The following TMEM68 variants were observed in gnomAD, a reference collection of about 807,000 sequenced individuals.
TMEM68 encodes the protein DGAT1/2-independent enzyme synthesizing storage lipids.
In TMEM68, 25 loss-of-function variants were observed where a neutral mutation model predicts 36.9. The ratio of observed to expected loss-of-function variants is 0.68; its 90% CI spans 0.49 to 0.95. The LOEUF is 0.95. TMEM68 is among the 40% of genes least tolerant of loss of function. The pLI is 0.00. For missense variants in TMEM68, 333 were observed against 392.0 expected, an observed-to-expected ratio of 0.85 and a Z score of 1.27; for synonymous variants, 131 against 124.4, an observed-to-expected ratio of 1.05 and a Z score of -0.35.
chr8:55,740,563 T>C (rs768385263), intron 7 of TMEM68, among the ~76,000 whole-genome samples: 3 of 152,150 alleles, frequency 2.0e-5, no homozygotes, highest in Non-Finnish European at 4.4e-5. Flanking sequence ...TTAAGATACA[T>C]CTTAGAATTT....
intron 4 of TMEM68, among the ~76,000 whole-genome samples, chr8:55,752,512 C>T (rs112445177): frequency 0.062 from 9,449 of 151,948 alleles, 356 homozygotes; most frequent in African/African-American, 0.1. Context: ...TGCTTTAACC[C>T]GTGAGGCGGA....
At chr8:55,741,188 C>T (rs983716691) in intron 7 of TMEM68, among the ~76,000 whole-genome samples, 13 of 152,212 alleles carry the variant, frequency 8.5e-5, no homozygotes, top group African/African-American at 1.7e-4. Flanking sequence ...GCCAAGATCG[C>T]GCCATTGCAC....
At chr8:55,744,953 T>C (rs1433131423) in intron 6 of TMEM68, 108 bp downstream of exon 6, 3 of 624,100 alleles carry the variant, frequency 4.8e-6, no homozygotes, top group Non-Finnish European at 7.5e-6. Flanking sequence ...CTAAATAGTA[T>C]ATCCATTTTC....
rs542247099 is a variant in TMEM68, at chr8:55,762,613, A to G, written c.325+22T>C. The G allele has an allele frequency of 2.5e-6, 4 of 1,613,962 alleles. No homozygotes were observed. The South Asian group carries it at 4.4e-5, about 18-fold the overall frequency. ...GCAGCACACATGAATGGCAACACAAAGGTGAAAGTATCCTTGCTTACCATG... is the reference window on the plus strand; with the variant it reads ...GCAGCACACATGAATGGCAACACAAGGGTGAAAGTATCCTTGCTTACCATG... On this transcript the variant is annotated intron_variant, in intron 3 of 7. Transcript: ENST00000434581.
At chr8:55,746,339 A>AAAAAAC in intron 5 of TMEM68, 1 of 150,706 alleles carries the variant, frequency 6.6e-6, no homozygotes, top group Non-Finnish European at 1.5e-5. Flanking sequence ...AAAAAAAAAA[A>AAAAAAC]AAGAATTCTC....
intron 7 of TMEM68, 39 bp downstream of exon 7, chr8:55,743,442 A>G: frequency 6.7e-7 from 1 of 1,499,684 alleles, no homozygotes; most frequent in Non-Finnish European, 8.8e-7. Flanking sequence ...ATTGAAAATA[A>G]AAATCTGTCC....
intron 7 of TMEM68, among the ~76,000 whole-genome samples, chr8:55,741,628 G>A (rs941458391): frequency 1.3e-5 from 2 of 152,132 alleles, no homozygotes; most frequent in African/African-American, 4.8e-5. Context: ...AGCAGGGGAG[G>A]ACACATGAAC....
chr8:55,769,639 C>CA (rs1667714937), intron 1 of TMEM68, among the ~76,000 whole-genome samples: 1 of 147,908 alleles, frequency 6.8e-6, no homozygotes, highest in Non-Finnish European at 1.5e-5. Flanking sequence ...TCGTCTAAAA[C>CA]TTTTTTTTTT....
Position 55,758,572 on chromosome 8 carries a change from T to C in TMEM68, c.326-2161A>G, listed in dbSNP as rs115871753. ...CTGTAATCCCAACACTTTGGGAGAC[T>C]GAGATGGTAGGACTTTTGAGCCCAA... On this transcript the variant is annotated intron_variant, in intron 3 of 7. Transcript: ENST00000434581. Among the ~76,000 whole-genome samples, 666 of 152,322 alleles carry C rather than the reference T, an allele frequency of 4.4e-3. 3 individuals are homozygous for C. Among genetic ancestry groups the C allele is most frequent in the African/African-American group, 0.015 (617 of 41,580 alleles).
chr8:55,756,458 C>A, intron 3 of TMEM68, 47 bp from the exon 4 acceptor site: 1 of 1,497,554 alleles, frequency 6.7e-7, no homozygotes, highest in Non-Finnish European at 8.9e-7. Flanking sequence ...TTCATTAATT[C>A]GTTTACAGTA....
At chr8:55,759,396 C>G (rs1339157555) in intron 3 of TMEM68, among the ~76,000 whole-genome samples, 1 of 151,678 alleles carries the variant, frequency 6.6e-6, no homozygotes, top group Non-Finnish European at 1.5e-5. Flanking sequence ...CATGGTGAAA[C>G]CCCATCTCTA....
chr8:55,750,985 C>T lies in TMEM68; in HGVS notation c.666G>A (p.Gln222=). The T allele has an allele frequency of 6.2e-7, 1 of 1,607,524 alleles. No homozygotes were observed. The highest frequency in any genetic ancestry group is 8.5e-7 in the Non-Finnish European group (1 of 1,178,644). ...TCACCACTTTTGCATCAATTGCAAC[C>T]TGAGCAAAGCCTCTGCGATGACCCC... ...IVWGHRRGFA[Q]VAIDAKVPII... Residue 222 remains glutamine (Q), a synonymous_variant, in exon 5 of 8, where the codon CAG becomes CAA. Transcript: ENST00000434581.
Position 55,746,074 on chromosome 8 carries a change from G to A in TMEM68, c.688-953C>T, listed in dbSNP as rs760509258. On this transcript the variant is annotated intron_variant, in intron 5 of 7. Coordinates refer to ENST00000434581, the MANE Select transcript of TMEM68 (RefSeq NM_001286657.2). Reference sequence around the variant, plus strand: ...TTGTGCCTGTAATCCCAGCACTTTGGGAGGCCAAGACAGGTGGATCACTTG... The same window carrying A: ...TTGTGCCTGTAATCCCAGCACTTTGAGAGGCCAAGACAGGTGGATCACTTG... 1.1e-4 allele frequency: 10 copies of A among 94,010 alleles called. 4 individuals are homozygous for A. The Admixed American group carries it at 1.2e-3, about 11-fold the overall frequency. 5.8% of individuals were successfully genotyped at this position (94,010 alleles called of 1,614,324 possible).
At chr8:55,771,359 T>C (rs1811154652) in intron 1 of TMEM68, among the ~76,000 whole-genome samples, 1 of 152,094 alleles carries the variant, frequency 6.6e-6, no homozygotes, top group Admixed American at 6.6e-5. Context: ...CCTAACACTT[T>C]GGGAGGCTGA....
chr8:55,754,573 T>C (rs1810520912), intron 4 of TMEM68, among the ~76,000 whole-genome samples: 1 of 138,204 alleles, frequency 7.2e-6, no homozygotes, highest in South Asian at 2.1e-4. Context: ...TATATATTTA[T>C]ATTATATAAA....
At chr8:55,745,298 G>A (rs1022366678) in intron 5 of TMEM68, 177 bp from the exon 6 acceptor site, 53 of 367,554 alleles carry the variant, frequency 1.4e-4, no homozygotes, top group Non-Finnish European at 1.9e-4. Context: ...GTCGGGTCTC[G>A]TTAGTATTGG....
At chr8:55,753,449 T>C (rs996760547) in intron 4 of TMEM68, among the ~76,000 whole-genome samples, 1 of 152,236 alleles carries the variant, frequency 6.6e-6, no homozygotes, top group African/African-American at 2.4e-5. Flanking sequence ...TGATGTTCTG[T>C]TTTTTAGTTT....
chr8:55,752,137 G>A (rs1367851252), intron 4 of TMEM68, among the ~76,000 whole-genome samples: 1 of 152,000 alleles, frequency 6.6e-6, no homozygotes, highest in Middle Eastern at 3.2e-3. Flanking sequence ...CAACTCAGGA[G>A]GGGGAGGTTG....
intron 3 of TMEM68, 90 bp downstream of exon 3, chr8:55,762,545 T>A: frequency 6.3e-7 from 1 of 1,580,192 alleles, no homozygotes; most frequent in Non-Finnish European, 8.6e-7. Flanking sequence ...TATTTTTCAG[T>A]ATCTTCTCAA....
Sources: allele counts gnomAD v4.1 joint callset (sites outside exome capture counted in the v4.1 genomes callset), GRCh38; gene constraint gnomAD v4.1.1; transcripts MANE v1.5; gene names NCBI Gene and HGNC (gene_info 2026-07-23, HGNC 2026-07-21).